The following LINGO2 variants were observed in gnomAD, a reference collection of about 807,000 sequenced individuals.
The protein encoded by LINGO2 is leucine rich repeat and Ig domain containing 2, also known as leucine-rich repeat and immunoglobulin-like domain-containing nogo receptor-interacting protein 2.
In LINGO2, 14 loss-of-function variants were observed where a neutral mutation model predicts 30.6. That is an observed-to-expected ratio of 0.46 (90% CI 0.30 to 0.72). The LOEUF is 0.72. Ranked by LOEUF, LINGO2 falls within the 30% of genes least tolerant of loss-of-function variation. The pLI, the probability that LINGO2 is intolerant of heterozygous loss-of-function variation, is 0.07. For missense variants in LINGO2, 729 were observed against 751.7 expected (o/e 0.97, Z 0.35); for synonymous variants, 317 against 288.5 (o/e 1.10, Z -1.00).
chr9:28,746,580 A>G, the LINGO2 span, among the ~76,000 whole-genome samples: 8 of 151,946 alleles, frequency 5.3e-5, no homozygotes, highest in Non-Finnish European at 8.8e-5. Context: ...TATTTATATG[A>G]CTCAAGGCCA....
chr9:28,988,106 T>C, the LINGO2 span, among the ~76,000 whole-genome samples: 138,983 of 152,200 alleles, frequency 0.91, 63,584 homozygotes, highest in Non-Finnish European at 0.93. Flanking sequence ...TTGAGATGAA[T>C]GGTCCTTTAT....
chr9:28,317,439 T>C lies in LINGO2; in HGVS notation c.-245-22073A>G, dbSNP rs10968501. On this transcript the variant is annotated intron_variant, in intron 3 of 5. Transcript: ENST00000379992. ...AAATGTTTCTACCTTAGATTAAACATGTTGCTTTGTAACTTTATTAGTAAA... is the reference window on the plus strand; with the variant it reads ...AAATGTTTCTACCTTAGATTAAACACGTTGCTTTGTAACTTTATTAGTAAA... 0.016 allele frequency among the ~76,000 whole-genome samples: 2,406 copies of C among 152,242 alleles called. 139 individuals are homozygous for C. The East Asian group carries it at 0.19, about 12-fold the overall frequency.
intron 4 of LINGO2, among the ~76,000 whole-genome samples, chr9:28,291,026 A>G (rs1175622385): frequency 2.0e-5 from 3 of 152,188 alleles, no homozygotes; most frequent in African/African-American, 7.2e-5. Context: ...GACTCTCAGA[A>G]TTATCCACTG....
the LINGO2 span, among the ~76,000 whole-genome samples, chr9:28,959,065 C>A: frequency 1.3e-5 from 2 of 152,214 alleles, no homozygotes; most frequent in South Asian, 4.2e-4. Flanking sequence ...ACCTAATCCC[C>A]AGTGCATGTG....
rs1821015392 is a variant in LINGO2, at chr9:28,526,007, G to T, written c.-364-49982C>A. 2.4e-5 allele frequency among the ~76,000 whole-genome samples: 3 copies of T among 125,650 alleles called. No individual in the cohort carries two copies. In the South Asian group the frequency reaches 8.1e-4, roughly 34 times the overall value. 82.4% of individuals were successfully genotyped at this position (125,650 alleles called of 152,430 possible). A position where few individuals can be genotyped will look rare whatever the true frequency, so the allele number is the denominator to read the frequency against. ...GGAGGCAGAGCTTCCAGTGAGCCGA[G>T]ATTGCGCCACTGCACTCCAGCCTGG... On this transcript the variant is annotated intron_variant, in intron 1 of 5. Transcript: ENST00000379992.
chr9:28,646,882 T>C (rs1344282948), intron 1 of LINGO2, among the ~76,000 whole-genome samples: 4 of 152,166 alleles, frequency 2.6e-5, no homozygotes, highest in Non-Finnish European at 4.4e-5. Context: ...TTAGTGTTTC[T>C]GGTTTATATA....
the LINGO2 span, among the ~76,000 whole-genome samples, chr9:28,945,394 G>A: frequency 2.6e-5 from 4 of 151,996 alleles, no homozygotes; most frequent in East Asian, 1.9e-4. Context: ...TTATAAGTAC[G>A]TGGAATCAAA....
the LINGO2 span, among the ~76,000 whole-genome samples, chr9:29,072,569 G>A: frequency 7.0e-6 from 1 of 143,848 alleles, no homozygotes; most frequent in South Asian, 2.2e-4. Context: ...AATATCTCAA[G>A]GATCCTAATA....
the LINGO2 span, among the ~76,000 whole-genome samples, chr9:28,750,836 C>T: frequency 6.6e-6 from 1 of 151,974 alleles, no homozygotes; most frequent in African/African-American, 2.4e-5. Context: ...TGCCACGGAC[C>T]TTTTGAGCTC....
chr9:28,332,165 G>A (rs1015628593), intron 3 of LINGO2, among the ~76,000 whole-genome samples: 3 of 151,728 alleles, frequency 2.0e-5, no homozygotes, highest in East Asian at 1.9e-4. Context: ...AGCAATTTAG[G>A]CACCTTTCAA....
chr9:28,484,639 G>C (rs564639274), intron 1 of LINGO2, among the ~76,000 whole-genome samples: 145 of 152,124 alleles, frequency 9.5e-4, no homozygotes, highest in African/African-American at 2.8e-3. Flanking sequence ...ATTGAACACT[G>C]TATGACATTT....
chr9:28,127,566 AAT>A (rs1428282968), intron 4 of LINGO2, among the ~76,000 whole-genome samples: 1 of 152,222 alleles, frequency 6.6e-6, no homozygotes, highest in African/African-American at 2.4e-5. Flanking sequence ...GGGATTGCTG[AAT>A]AGAGGATGCT....
chr9:28,595,773 G>A (rs1009017899), intron 1 of LINGO2, among the ~76,000 whole-genome samples: 18 of 152,058 alleles, frequency 1.2e-4, no homozygotes, highest in African/African-American at 3.9e-4. Flanking sequence ...GGATCACAGC[G>A]GGGGAAACCC....
intron 2 of LINGO2, among the ~76,000 whole-genome samples, chr9:28,401,225 G>C (rs1822250921): frequency 6.6e-6 from 1 of 151,814 alleles, no homozygotes; most frequent in Non-Finnish European, 1.5e-5. Flanking sequence ...TTGTTACATA[G>C]GTATATTTGT....
chr9:28,671,288 G>A (rs1828999345), upstream of LINGO2, among the ~76,000 whole-genome samples: 1 of 151,790 alleles, frequency 6.6e-6, no homozygotes, highest in Admixed American at 6.6e-5. Context: ...AGTCAGTATA[G>A]AATAAAAAGG....
chr9:29,036,680 C>T, the LINGO2 span, among the ~76,000 whole-genome samples: 1 of 151,990 alleles, frequency 6.6e-6, no homozygotes, highest in Admixed American at 6.6e-5. Flanking sequence ...CACTATCACT[C>T]ATTCCATCTA....
At chr9:28,256,529 T>A (rs530888665) in intron 4 of LINGO2, among the ~76,000 whole-genome samples, 2 of 152,000 alleles carry the variant, frequency 1.3e-5, no homozygotes, top group Admixed American at 6.6e-5. Context: ...GTTAATGATA[T>A]AATTTCTGAT....
chr9:28,892,193 G>T, the LINGO2 span, among the ~76,000 whole-genome samples: 4 of 151,894 alleles, frequency 2.6e-5, no homozygotes, highest in Admixed American at 6.6e-5. Context: ...CCAGGTTTTT[G>T]ATTAGAATTA....
At chr9:28,201,347 C>A (rs529905344) in intron 4 of LINGO2, among the ~76,000 whole-genome samples, 2 of 139,600 alleles carry the variant, frequency 1.4e-5, no homozygotes, top group African/African-American at 5.4e-5. Flanking sequence ...TTTGTTCTTG[C>A]GATAGTTTAC....
Sources: gnomAD v4.1 joint callset for allele counts (sites outside exome capture counted in the v4.1 genomes callset) on GRCh38, gnomAD v4.1.1 for gene constraint, MANE v1.5 for transcripts, NCBI Gene and HGNC (gene_info 2026-07-23, HGNC 2026-07-21) for gene names.